Variants in VMP1 observed in about 807,000 individuals in gnomAD.
VMP1 encodes ectopic P-granules autophagy protein 3 homolog.
A neutral mutation model predicts 56.0 loss-of-function variants in VMP1; 11 were observed. That is an observed-to-expected ratio of 0.20 (90% CI 0.12 to 0.32). The LOEUF (loss-of-function observed/expected upper bound fraction) is 0.32, where lower values mean the gene tolerates loss of function less well. Ranked by LOEUF, VMP1 falls within the 10% of genes least tolerant of loss-of-function variation. VMP1 has a pLI of 1.00. For synonymous variants in VMP1, 149 were observed against 165.0 expected, an observed-to-expected ratio of 0.90 and a Z score of 0.74; for missense variants, 296 against 490.3, an observed-to-expected ratio of 0.60 and a Z score of 3.74.
chr17:59,831,156 A>G (rs2038794018), intron 10 of VMP1, among the ~76,000 whole-genome samples: 1 of 152,086 alleles, frequency 6.6e-6, no homozygotes, highest in Non-Finnish European at 1.5e-5. Context: ...CTTATTTATT[A>G]TCTATCTATC....
chr17:59,802,028 C>G (rs2037687151), intron 7 of VMP1, among the ~76,000 whole-genome samples: 2 of 151,964 alleles, frequency 1.3e-5, no homozygotes, highest in Non-Finnish European at 2.9e-5. Context: ...TCGCGAAACC[C>G]CATCTCTACT....
At chr17:59,802,488 G>T (rs141957523) in intron 7 of VMP1, among the ~76,000 whole-genome samples, 2 of 152,232 alleles carry the variant, frequency 1.3e-5, no homozygotes, top group East Asian at 1.9e-4. Context: ...GGTTATAAAG[G>T]CAGGTAATTT....
At chr17:59,833,457 C>T (rs1229632088) in intron 10 of VMP1, among the ~76,000 whole-genome samples, 2 of 151,592 alleles carry the variant, frequency 1.3e-5, no homozygotes, top group African/African-American at 4.8e-5. Context: ...AATTTGAGAC[C>T]CACCTGGGCA....
chr17:59,817,829 A>T, intron 10 of VMP1, 56 bp downstream of exon 10: 1 of 1,370,154 alleles, frequency 7.3e-7, no homozygotes, highest in East Asian at 2.4e-5. Flanking sequence ...ATGGGAGTAA[A>T]TGTGTACAAG....
chr17:59,835,478 A>G (rs2038950354), intron 10 of VMP1, among the ~76,000 whole-genome samples: 1 of 148,838 alleles, frequency 6.7e-6, no homozygotes. Flanking sequence ...AGTTCTTATA[A>G]ATATGCAGTT....
intron 6 of VMP1, among the ~76,000 whole-genome samples, chr17:59,769,410 C>A (rs2036349702): frequency 6.6e-6 from 1 of 152,054 alleles, no homozygotes; most frequent in Middle Eastern, 3.2e-3. Flanking sequence ...ATTAAACTTA[C>A]ATTTCTTAAT....
chr17:59,751,994 G>A (rs1250328528), intron 5 of VMP1, among the ~76,000 whole-genome samples: 1 of 151,788 alleles, frequency 6.6e-6, no homozygotes, highest in African/African-American at 2.4e-5. Flanking sequence ...TTTTTTAGGG[G>A]TAGAAACGGG....
chr17:59,750,263 A>G (rs1415902016), intron 5 of VMP1, among the ~76,000 whole-genome samples: 1 of 151,544 alleles, frequency 6.6e-6, no homozygotes, highest in Non-Finnish European at 1.5e-5. Context: ...TTTGCATTCA[A>G]TTTACTTAAA....
chr17:59,806,720 A>T (rs563570116), intron 7 of VMP1, among the ~76,000 whole-genome samples: 1 of 151,952 alleles, frequency 6.6e-6, no homozygotes, highest in East Asian at 1.9e-4. Context: ...TGTCTCAAAA[A>T]AAAAAAAAAA....
intron 9 of VMP1, among the ~76,000 whole-genome samples, chr17:59,814,255 G>C (rs897893154): frequency 2.0e-5 from 3 of 152,194 alleles, no homozygotes; most frequent in Non-Finnish European, 4.4e-5. Flanking sequence ...GGGATTACAG[G>C]CATGATCCAC....
chr17:59,794,212 A>G (rs981539351), intron 7 of VMP1, among the ~76,000 whole-genome samples: 189 of 83,798 alleles, frequency 2.3e-3, no homozygotes, highest in Middle Eastern at 0.023. Flanking sequence ...GAGTCACCGC[A>G]CCCGGCCTTT....
intron 2 of VMP1, among the ~76,000 whole-genome samples, chr17:59,731,852 GTTC>G (rs563366966): frequency 3.3e-5 from 5 of 152,170 alleles, no homozygotes; most frequent in Admixed American, 3.3e-4. Context: ...TTACTACACT[GTTC>G]TTAAATATAC....
At chr17:59,839,558 C>A in intron 11 of VMP1, 1 of 578,856 alleles carries the variant, frequency 1.7e-6, no homozygotes, top group Non-Finnish European at 2.9e-6. Context: ...TGATTCAACA[C>A]TGATTTTACA....
intron 9 of VMP1, among the ~76,000 whole-genome samples, chr17:59,814,844 C>T (rs887817998): frequency 1.3e-5 from 2 of 152,156 alleles, no homozygotes; most frequent in African/African-American, 2.4e-5. Context: ...TGTGTTCCAT[C>T]GTATCATAGT....
At chr17:59,801,506 G>A (rs1201706705) in intron 7 of VMP1, among the ~76,000 whole-genome samples, 8 of 151,670 alleles carry the variant, frequency 5.3e-5, no homozygotes, top group African/African-American at 1.5e-4. Context: ...CTCCCATCTC[G>A]GCTTCCCAAA....
chr17:59,712,798 C>T (rs1329272617), intron 1 of VMP1, among the ~76,000 whole-genome samples: 1 of 152,084 alleles, frequency 6.6e-6, no homozygotes, highest in African/African-American at 2.4e-5. Flanking sequence ...AATCATTCTA[C>T]AATTTTAAGT....
At chr17:59,782,093 G>A (rs1355433429) in intron 7 of VMP1, among the ~76,000 whole-genome samples, 2 of 152,120 alleles carry the variant, frequency 1.3e-5, no homozygotes, top group Non-Finnish European at 2.9e-5. Context: ...ATTTTTAGTA[G>A]AGATGGGGTT....
chr17:59,724,694 C>T (rs1027259199), intron 1 of VMP1, among the ~76,000 whole-genome samples: 7 of 151,448 alleles, frequency 4.6e-5, no homozygotes, highest in Admixed American at 1.3e-4. Context: ...AGGCAGGGCA[C>T]GGTGGCTCAC....
At chr17:59,709,035 A>G (rs1220464523) in intron 1 of VMP1, among the ~76,000 whole-genome samples, 7 of 152,224 alleles carry the variant, frequency 4.6e-5, no homozygotes, top group African/African-American at 1.7e-4. Context: ...CACATTCCAG[A>G]AGAAAATATA....
Sources: allele counts gnomAD v4.1 joint callset (sites outside exome capture counted in the v4.1 genomes callset), GRCh38; gene constraint gnomAD v4.1.1; transcripts MANE v1.5; gene names NCBI Gene and HGNC (gene_info 2026-07-23, HGNC 2026-07-21).